Variants in NOS1 observed in about 807,000 individuals in gnomAD.
NOS1 encodes NOS type I.
In NOS1, 51 loss-of-function variants were observed where a neutral mutation model predicts 164.5. The ratio of observed to expected loss-of-function variants is 0.31; its 90% CI spans 0.25 to 0.39. NOS1 has a LOEUF of 0.39. Among genes scored for constraint, NOS1 ranks in the 10% least tolerant of loss-of-function variants. The probability of loss-of-function intolerance (pLI) is 1.00; values close to 1 mark genes in which losing one functional copy is unlikely to be tolerated. For synonymous variants in NOS1, 719 were observed against 745.8 expected, an observed-to-expected ratio of 0.96 and a Z score of 0.59; for missense variants, 1,362 against 1,885.6, an observed-to-expected ratio of 0.72 and a Z score of 5.14.
At chr12:117,256,729 G>GTGCACACACCA (rs1382671892) in intron 16 of NOS1, among the ~76,000 whole-genome samples, 2 of 152,098 alleles carry the variant, frequency 1.3e-5, no homozygotes, top group African/African-American at 4.8e-5. Context: ...CACACACCAT[G>GTGCACACACCA]TGTCCTATAC....
intron 3 of NOS1, among the ~76,000 whole-genome samples, chr12:117,304,594 A>G (rs1874035142): frequency 6.6e-6 from 1 of 152,206 alleles, no homozygotes; most frequent in Non-Finnish European, 1.5e-5. Flanking sequence ...TGACAGATGA[A>G]CTGATTTGTT....
At chr12:117,290,895 C>T (rs536958532) in intron 3 of NOS1, among the ~76,000 whole-genome samples, 4 of 152,162 alleles carry the variant, frequency 2.6e-5, no homozygotes, top group African/African-American at 9.6e-5. Context: ...CTGGCGAGTA[C>T]TGAGAAAACA....
chr12:117,332,514 C>T (rs1176723791), intron 1 of NOS1, among the ~76,000 whole-genome samples: 1 of 151,984 alleles, frequency 6.6e-6, no homozygotes, highest in African/African-American at 2.4e-5. Context: ...ATCGCATTAG[C>T]CCAGGAGTTT....
rs1032659419 is a variant in NOS1 at position 117,331,184 on chromosome 12, C to G, written c.-115G>C. On this transcript the variant is annotated 5_prime_UTR_variant, in exon 2 of 29. Coordinates refer to ENST00000317775, the MANE Select transcript of NOS1 (RefSeq NM_000620.5). ...ACACGGAGAGCAGGAGCCGGGGTGA[C>G]AGGTGCTGACAAGGCTTCAGCCCTC... The G allele has an allele frequency of 1.1e-5, 15 of 1,332,118 alleles. No individual in the cohort carries two copies. The highest frequency in any genetic ancestry group is 1.5e-5 in the Non-Finnish European group (15 of 975,960). 82.5% of individuals were successfully genotyped at this position (1,332,118 alleles called of 1,614,324 possible).
intron 10 of NOS1, among the ~76,000 whole-genome samples, chr12:117,271,207 C>T (rs996089479): frequency 1.3e-5 from 2 of 152,174 alleles, no homozygotes; most frequent in Non-Finnish European, 2.9e-5. Context: ...CACGAAGCCC[C>T]CCAGATACCC....
At chr12:117,323,281 C>T (rs1424605822) in intron 2 of NOS1, among the ~76,000 whole-genome samples, 1 of 152,232 alleles carries the variant, frequency 6.6e-6, no homozygotes, top group Non-Finnish European at 1.5e-5. Flanking sequence ...GGGTGACCTG[C>T]ATTCGCTACA....
chr12:117,305,061 A>G, intron 3 of NOS1: 8 of 985,194 alleles, frequency 8.1e-6, no homozygotes, highest in Non-Finnish European at 9.6e-6. Flanking sequence ...TCCCTTCCTG[A>G]CTCAGGATTG....
chr12:117,239,258 C>T (rs550203916), intron 20 of NOS1, among the ~76,000 whole-genome samples: 2 of 152,328 alleles, frequency 1.3e-5, no homozygotes, highest in African/African-American at 2.4e-5. Flanking sequence ...CCAGACATCC[C>T]GGTGCTGACC....
At position 117,264,042 on chromosome 12, in the gene NOS1, CT is replaced by C. The variant is rs939520876; in HGVS notation, c.2137-69del. 11 of 1,252,226 alleles carry C rather than the reference CT, an allele frequency of 8.8e-6. No homozygotes were observed. The African/African-American group carries it at 1.5e-4, about 17-fold the overall frequency. The allele number at this position is 1,252,226 out of a possible 1,614,324, so 77.6% of individuals were successfully genotyped here. A position where few individuals can be genotyped will look rare whatever the true frequency, so the allele number is the denominator to read the frequency against. ...GGGCATCTGGTTCCTGTTGGGGATG[CT>C]CAGGACCACCTGGGACTTGTGACTG... On this transcript the variant is annotated intron_variant, in intron 12 of 28. Coordinates refer to ENST00000317775, the MANE Select transcript of NOS1 (RefSeq NM_000620.5).
intron 1 of NOS1, among the ~76,000 whole-genome samples, chr12:117,340,896 T>TC (rs34482297): frequency 1.2e-4 from 17 of 136,738 alleles, no homozygotes; most frequent in African/African-American, 4.6e-4. Context: ...TTTTTTTTTT[T>TC]GTATTTTTAG....
At chr12:117,225,570 T>A (rs1373120759) in intron 24 of NOS1, among the ~76,000 whole-genome samples, 1 of 151,982 alleles carries the variant, frequency 6.6e-6, no homozygotes, top group Non-Finnish European at 1.5e-5. Context: ...TGTCCCTGGG[T>A]GGCAGGGGTG....
chr12:117,208,284 G>C lies in NOS1; in HGVS notation c.*7025C>G. 7.8e-7 allele frequency: 1 copy of C among 1,288,850 alleles called. No homozygotes were observed. The highest frequency in any genetic ancestry group is 1.2e-5 in the South Asian group (1 of 80,960). The allele number at this position is 1,288,850 out of a possible 1,614,324, so 79.8% of individuals were successfully genotyped here. On this transcript the variant is annotated 3_prime_UTR_variant, in exon 29 of 29. Transcript: ENST00000317775. ...CCTGGACAACCTCGCAAAGAGCGTG[G>C]GGTGGGCGTCAGTCCTTCAAGGAAG...
intron 26 of NOS1, among the ~76,000 whole-genome samples, chr12:117,222,148 C>G (rs1288121691): frequency 6.6e-6 from 1 of 152,130 alleles, no homozygotes; most frequent in Admixed American, 6.5e-5. Flanking sequence ...ATTCTCCCCT[C>G]CCTCAGCCCC....
intron 2 of NOS1, among the ~76,000 whole-genome samples, chr12:117,314,661 C>G (rs1874592978): frequency 6.6e-6 from 1 of 152,174 alleles, no homozygotes; most frequent in African/African-American, 2.4e-5. Context: ...GGCGGGAGTG[C>G]AGTGGGGTGA....
rs1276187980 is a variant in NOS1 at position 117,213,113 on chromosome 12, G to A, written c.*2196C>T. ...AAAGGAGGTGCCTGGCACCTTGTAA[G>A]CGCTTCTAAGTATTTATTCCCTGAT... is the stretch of plus-strand genomic sequence containing the variant. On this transcript the variant is annotated 3_prime_UTR_variant, in exon 29 of 29. Transcript: ENST00000317775. 1 of 985,486 alleles carries A rather than the reference G, an allele frequency of 1.0e-6. No homozygotes were observed. Among genetic ancestry groups the A allele is most frequent in the South Asian group, 4.7e-5 (1 of 21,288 alleles). 61.0% of individuals were successfully genotyped at this position (985,486 alleles called of 1,614,324 possible). A position where few individuals can be genotyped will look rare whatever the true frequency, so the allele number is the denominator to read the frequency against.
chr12:117,263,107 AG>A (rs1872075330), intron 13 of NOS1, among the ~76,000 whole-genome samples: 1 of 152,180 alleles, frequency 6.6e-6, no homozygotes, highest in South Asian at 2.1e-4. Context: ...TCATGACAGC[AG>A]GGACAGCATT....
chr12:117,344,204 T>A lies in NOS1; in HGVS notation c.-420-12715A>T, dbSNP rs576895655. Among the ~76,000 whole-genome samples, 26 of 152,230 alleles carry A rather than the reference T, an allele frequency of 1.7e-4. No homozygotes were observed. In the East Asian group the frequency reaches 4.5e-3, roughly 27 times the overall value. ...TATACATTTGCTGGCCACATGGAGC[T>A]AAAGCACCACAGGTCTGCTTTCATC... On this transcript the variant is annotated intron_variant, in intron 1 of 28. Transcript: ENST00000317775.
intron 2 of NOS1, among the ~76,000 whole-genome samples, chr12:117,325,071 C>G (rs1297687035): frequency 6.6e-6 from 1 of 152,186 alleles, no homozygotes; most frequent in Non-Finnish European, 1.5e-5. Flanking sequence ...GCTTGGCTCC[C>G]CGACTGGCGT....
Position 117,210,600 on chromosome 12 carries a change from G to A in NOS1, c.*4709C>T, listed in dbSNP as rs1956512241. 1 of 985,402 alleles carries A rather than the reference G, an allele frequency of 1.0e-6. No homozygotes were observed. The highest frequency in any genetic ancestry group is 1.7e-5 in the African/African-American group (1 of 57,240). 61.0% of individuals were successfully genotyped at this position (985,402 alleles called of 1,614,324 possible). A position where few individuals can be genotyped will look rare whatever the true frequency, so the allele number is the denominator to read the frequency against. ...TAGGCGCTGGTGCTGTCGGAGTGAAGGGGCTCAGGCATCTGGATTGCCCAT... is the reference window on the plus strand; with the variant it reads ...TAGGCGCTGGTGCTGTCGGAGTGAAAGGGCTCAGGCATCTGGATTGCCCAT... On this transcript the variant is annotated 3_prime_UTR_variant, in exon 29 of 29. Transcript: ENST00000317775.
Sources: allele counts gnomAD v4.1 joint callset (sites outside exome capture counted in the v4.1 genomes callset), GRCh38; gene constraint gnomAD v4.1.1; transcripts MANE v1.5; gene names NCBI Gene and HGNC (gene_info 2026-07-23, HGNC 2026-07-21).